The following TPM4 variants were observed in gnomAD, a reference collection of about 807,000 sequenced individuals.
TPM4 encodes tropomyosin alpha-4 chain.
A neutral mutation model predicts 35.8 loss-of-function variants in TPM4; 17 were observed. That is an observed-to-expected ratio of 0.47 (90% confidence interval 0.32 to 0.71). The LOEUF is 0.71. Ranked by LOEUF, TPM4 falls within the 30% of genes least tolerant of loss-of-function variation. The probability of loss-of-function intolerance (pLI) is 0.03; values close to 1 mark genes in which losing one functional copy is unlikely to be tolerated. For missense variants in TPM4, 240 were observed against 320.9 expected, an observed-to-expected ratio of 0.75 and a Z score of 1.93; for synonymous variants, 120 against 122.9, an observed-to-expected ratio of 0.98 and a Z score of 0.15.
intron 1 of TPM4, chr19:16,076,941 C>G: frequency 1.2e-6 from 1 of 818,784 alleles, no homozygotes; most frequent in Admixed American, 4.7e-5. Context: ...CGGGGCCGGC[C>G]AAGCGGGAAA....
At chr19:16,079,405 G>A (rs60340772) in intron 1 of TPM4, among the ~76,000 whole-genome samples, 2 of 152,180 alleles carry the variant, frequency 1.3e-5, no homozygotes, top group Non-Finnish European at 2.9e-5. Flanking sequence ...ACTGAAGGTG[G>A]TAGGAGGAGT....
At chr19:16,090,824 ATTT>A (rs1017045831) in intron 5 of TPM4, among the ~76,000 whole-genome samples, 2 of 123,372 alleles carry the variant, frequency 1.6e-5, no homozygotes, top group African/African-American at 3.1e-5. Context: ...TGTGTGTGTA[ATTT>A]TTTTTTTTTT....
At chr19:16,068,758 T>G (rs2090323336) in intron 2 of TPM4, among the ~76,000 whole-genome samples, 1 of 152,030 alleles carries the variant, frequency 6.6e-6, no homozygotes, top group Admixed American at 6.6e-5. Flanking sequence ...CAGTTCTGTG[T>G]GTGTGTGAGT....
In TPM4 at chr19:16,070,138, G is replaced by A. The variant is rs1774779275; in HGVS notation, c.114+2400G>A. ...GGGGTGTCCCTGCTAAAAGCCTGGA[G>A]GCCGGGGCAGGTGGGCTGCCCGTGG... On this transcript the variant is annotated intron_variant, in intron 2 of 2. Coordinates refer to the TPM4 transcript ENST00000589897. The surrounding 1 kb of genome is among the most constrained non-coding windows in gnomAD (Gnocchi z 7.4). Among the ~76,000 whole-genome samples the A allele has an allele frequency of 6.6e-6, 1 of 152,112 alleles. No homozygotes were observed. Among genetic ancestry groups the A allele is most frequent in the Admixed American group, 6.5e-5 (1 of 15,282 alleles).
upstream of TPM4, among the ~76,000 whole-genome samples, chr19:16,072,246 C>T (rs1233447912): frequency 1.3e-5 from 2 of 152,188 alleles, no homozygotes; most frequent in African/African-American, 4.8e-5. Context: ...CAGAACTGAC[C>T]CTCAAGAAAC....
rs1002403345 is a variant in TPM4 at position 16,070,238 on chromosome 19, A to G, written c.114+2500A>G. Among the ~76,000 whole-genome samples the G allele has an allele frequency of 6.6e-6, 1 of 152,174 alleles. No homozygotes were observed. Among genetic ancestry groups the G allele is most frequent in the African/African-American group, 2.4e-5 (1 of 41,428 alleles). On this transcript the variant is annotated intron_variant, in intron 2 of 2. Transcript: ENST00000589897. The surrounding 1 kb of genome is among the most constrained non-coding windows in gnomAD (Gnocchi z 7.4). ...CACACAGACCCAGAACTTTGGAGAC[A>G]AGAGTCCTGGGAACCCTGGCAATGA...
chr19:16,087,868 G>A (rs557868990), intron 3 of TPM4, among the ~76,000 whole-genome samples, 159 bp from the exon 4 acceptor site: 3 of 152,246 alleles, frequency 2.0e-5, no homozygotes, highest in East Asian at 1.9e-4. Flanking sequence ...GCAACAGAGG[G>A]AGACTCCGTC....
chr19:16,071,570 C>T (rs546578336), upstream of TPM4, among the ~76,000 whole-genome samples: 3 of 152,334 alleles, frequency 2.0e-5, no homozygotes, highest in Non-Finnish European at 2.9e-5. Context: ...AATGGGAACA[C>T]GTGAGGCCTT....
intron 7 of TPM4, chr19:16,095,160 G>C: frequency 1.4e-6 from 1 of 719,532 alleles, no homozygotes. Flanking sequence ...TTGCTCACGT[G>C]TTTTTTTCTT....
At chr19:16,073,514 G>T (rs149923285), upstream of TPM4, among the ~76,000 whole-genome samples, 260 of 152,294 alleles carry the variant, frequency 1.7e-3, 2 homozygotes, top group African/African-American at 5.9e-3. Flanking sequence ...AGGGGACGGG[G>T]GTCGCAGAGC....
At chr19:16,085,974 CAGGAGA>C (rs762200517) in intron 2 of TPM4, among the ~76,000 whole-genome samples, 4 of 148,948 alleles carry the variant, frequency 2.7e-5, no homozygotes, top group Non-Finnish European at 5.9e-5. Flanking sequence ...GAGGCTGAGA[CAGGAGA>C]ATTGCTTGAA....
At chr19:16,101,207 T>C in intron 7 of TPM4, 57 bp from the exon 8 acceptor site, 2 of 1,359,784 alleles carry the variant, frequency 1.5e-6, no homozygotes, top group Non-Finnish European at 2.0e-6. Context: ...TTTTTTTCTT[T>C]CATTTAACAA....
upstream of TPM4, chr19:16,076,055 G>A (rs114042568): frequency 2.7e-3 from 4,366 of 1,608,824 alleles, 82 homozygotes; most frequent in African/African-American, 0.048. Context: ...AGGTGGAGGA[G>A]GAGCTGACGC....
Position 16,095,148 on chromosome 19 carries a change from GTTTGCT to G in TPM4, c.664+1396_664+1401del, listed in dbSNP as rs562662472. 713 of 549,682 alleles carry G rather than the reference GTTTGCT, an allele frequency of 1.3e-3. No homozygotes were observed. The African/African-American group carries it at 0.014, about 11-fold the overall frequency. The allele number at this position is 549,682 out of a possible 1,614,324, so 34.1% of individuals were successfully genotyped here. A position where few individuals can be genotyped will look rare whatever the true frequency, so the allele number is the denominator to read the frequency against. On this transcript the variant is annotated intron_variant, in intron 7 of 7. Coordinates refer to ENST00000643579, the MANE Select transcript of TPM4 (RefSeq NM_003290.3). Reference sequence around the variant, plus strand: ...ACAGCTTTCTCCTAGTCTGTGCTTTGTTTGCTCACGTGTTTTTTTCTTCCTCTTGTG... The same window carrying G: ...ACAGCTTTCTCCTAGTCTGTGCTTTGCACGTGTTTTTTTCTTCCTCTTGTG...
At chr19:16,085,689 TTTC>T (rs1394410671) in intron 2 of TPM4, among the ~76,000 whole-genome samples, 1 of 152,208 alleles carries the variant, frequency 6.6e-6, no homozygotes, top group African/African-American at 2.4e-5. Context: ...TATGCCTTAG[TTTC>T]TTCATTTGTA....
intron 2 of TPM4, among the ~76,000 whole-genome samples, chr19:16,068,737 G>A (rs2090322935): frequency 6.6e-6 from 1 of 152,184 alleles, no homozygotes; most frequent in Non-Finnish European, 1.5e-5. Context: ...ACATATTTGT[G>A]TGTGTGAGAG....
chr19:16,086,647 G>A (rs969629139), intron 3 of TPM4, 107 bp downstream of exon 3: 6 of 868,920 alleles, frequency 6.9e-6, no homozygotes, highest in South Asian at 1.6e-5. Flanking sequence ...GGTTAGGTCA[G>A]CTGTCCTCCT....
chr19:16,069,985 G>A (rs912638503), intron 2 of TPM4, among the ~76,000 whole-genome samples: 5 of 150,794 alleles, frequency 3.3e-5, no homozygotes, highest in East Asian at 2.0e-4. Context: ...AGAATGGCAC[G>A]GCATGTGTGT....
At chr19:16,076,737 T>TC in intron 1 of TPM4, 40 bp downstream of exon 1, 1 of 1,285,980 alleles carries the variant, frequency 7.8e-7, no homozygotes, top group Non-Finnish European at 9.8e-7. Flanking sequence ...CGCAGCCTCC[T>TC]CCCCCGCGCG....
Sources: allele counts gnomAD v4.1 joint callset (sites outside exome capture counted in the v4.1 genomes callset), GRCh38; gene constraint gnomAD v4.1.1; non-coding constraint Gnocchi (gnomAD v3.1); transcripts MANE v1.5; gene names NCBI Gene and HGNC (gene_info 2026-07-23, HGNC 2026-07-21).